The following FHOD3 variants were observed in gnomAD, a reference collection of about 807,000 sequenced individuals.
FHOD3 encodes FH1/FH2 domain-containing protein 3.
FHOD3 carries 90 observed loss-of-function variants against 173.0 expected under a neutral mutation model. The ratio of observed to expected loss-of-function variants is 0.52; its 90% CI spans 0.44 to 0.62. The LOEUF (loss-of-function observed/expected upper bound fraction) is 0.62, where lower values mean the gene tolerates loss of function less well. FHOD3 is among the 20% of genes least tolerant of loss of function. The probability of loss-of-function intolerance (pLI) is 0.00; values close to 1 mark genes in which losing one functional copy is unlikely to be tolerated. For missense variants in FHOD3, 1,945 were observed against 2,034.7 expected (o/e 0.96, Z 0.85); for synonymous variants, 828 against 823.0 (o/e 1.01, Z -0.10).
chr18:36,501,509 G>A (rs1044943671), intron 3 of FHOD3, among the ~76,000 whole-genome samples: 8 of 152,224 alleles, frequency 5.3e-5, no homozygotes, highest in African/African-American at 1.4e-4. Context: ...TTCTGGCTGC[G>A]TGGGTTTTTC....
At chr18:36,736,134 GGTGA>G (rs2041618858) in intron 20 of FHOD3, among the ~76,000 whole-genome samples, 1 of 152,216 alleles carries the variant, frequency 6.6e-6, no homozygotes, top group African/African-American at 2.4e-5. Context: ...GGAGCACACA[GGTGA>G]GTGAGTGCAG....
intron 5 of FHOD3, among the ~76,000 whole-genome samples, chr18:36,550,903 C>T (rs186747626): frequency 5.9e-4 from 90 of 152,240 alleles, no homozygotes; most frequent in African/African-American, 1.9e-3. Context: ...ATCTCAACTG[C>T]TCTTTCTTTC....
intron 10 of FHOD3, among the ~76,000 whole-genome samples, chr18:36,631,806 A>G (rs1251311045): frequency 3.3e-5 from 5 of 152,220 alleles, no homozygotes; most frequent in Non-Finnish European, 5.9e-5. Context: ...TGTGGAAATA[A>G]ATACATGCTG....
chr18:36,380,102 C>A (rs886523099), intron 3 of FHOD3, among the ~76,000 whole-genome samples: 2 of 151,986 alleles, frequency 1.3e-5, no homozygotes, highest in Non-Finnish European at 2.9e-5. Flanking sequence ...CATAATTCAG[C>A]GAAACTGCTA....
chr18:36,659,437 AAGTTACCTGT>A (rs2036632270), intron 14 of FHOD3, among the ~76,000 whole-genome samples: 1 of 152,192 alleles, frequency 6.6e-6, no homozygotes, highest in Non-Finnish European at 1.5e-5. Flanking sequence ...GGATTAGCTG[AAGTTACCTGT>A]AGTCCTGAAA....
At chr18:36,319,106 G>A (rs965880757) in intron 1 of FHOD3, among the ~76,000 whole-genome samples, 17 of 152,074 alleles carry the variant, frequency 1.1e-4, no homozygotes, top group Non-Finnish European at 2.4e-4. Context: ...TTTTTGATTT[G>A]CTGCTGGATT....
At chr18:36,403,644 A>G (rs913605261) in intron 3 of FHOD3, among the ~76,000 whole-genome samples, 6 of 152,380 alleles carry the variant, frequency 3.9e-5, no homozygotes, top group South Asian at 4.1e-4. Context: ...ACATAAAATC[A>G]TAAGAAAAGG....
Position 36,552,544 on chromosome 18 carries a change from G to T in FHOD3, c.512-23907G>T, listed in dbSNP as rs1188846105. Among the ~76,000 whole-genome samples, 5 of 150,498 alleles carry T rather than the reference G, an allele frequency of 3.3e-5. No individual in the cohort carries two copies. In the South Asian group the frequency reaches 8.4e-4, roughly 25 times the overall value. The stretch of plus-strand genomic sequence containing the variant: ...GACAGAATCTTGCTCTGTTGCCCAG[G>T]CTGGAGTGCAGTGGCGCGATCTCGG... On this transcript the variant is annotated intron_variant, in intron 5 of 28. Coordinates refer to ENST00000590592, the MANE Select transcript of FHOD3 (RefSeq NM_001281740.3).
chr18:36,619,074 T>A (rs1277389556), intron 9 of FHOD3, among the ~76,000 whole-genome samples: 1 of 152,216 alleles, frequency 6.6e-6, no homozygotes, highest in Admixed American at 6.5e-5. Flanking sequence ...TGCTTGCCTC[T>A]CTACCTTCCT....
chr18:36,458,709 C>A (rs1298632709), intron 3 of FHOD3, among the ~76,000 whole-genome samples: 1 of 139,138 alleles, frequency 7.2e-6, no homozygotes, highest in Non-Finnish European at 1.5e-5. Context: ...AAACTTTCCT[C>A]CAGTGAAATC....
intron 17 of FHOD3, among the ~76,000 whole-genome samples, chr18:36,694,651 T>A (rs1049563330): frequency 2.6e-5 from 4 of 152,148 alleles, no homozygotes; most frequent in Admixed American, 6.5e-5. Flanking sequence ...TCCTGCAGAG[T>A]TGTGGTTCAG....
At chr18:36,668,913 G>T (rs1361534859) in intron 14 of FHOD3, among the ~76,000 whole-genome samples, 3 of 151,934 alleles carry the variant, frequency 2.0e-5, no homozygotes, top group African/African-American at 7.2e-5. Flanking sequence ...AGGATCAACT[G>T]TGGCAAATAT....
chr18:36,699,292 TA>T (rs536421555), intron 17 of FHOD3, among the ~76,000 whole-genome samples: 1 of 152,326 alleles, frequency 6.6e-6, no homozygotes, highest in East Asian at 1.9e-4. Flanking sequence ...TGTTCTTATT[TA>T]ACAAAAAAGA....
At chr18:36,338,638 G>A (rs1196634125) in intron 1 of FHOD3, among the ~76,000 whole-genome samples, 1 of 152,174 alleles carries the variant, frequency 6.6e-6, no homozygotes, top group African/African-American at 2.4e-5. Context: ...TCTGGGGGAT[G>A]CTATGGAATG....
intron 1 of FHOD3, among the ~76,000 whole-genome samples, chr18:36,315,510 T>TG (rs1227316503): frequency 6.6e-6 from 1 of 151,510 alleles, no homozygotes; most frequent in African/African-American, 2.4e-5. Context: ...TGGATGAAAC[T>TG]GGGGGGCTCC....
intron 25 of FHOD3, among the ~76,000 whole-genome samples, chr18:36,756,083 G>A (rs990687381): frequency 3.3e-5 from 5 of 152,160 alleles, no homozygotes; most frequent in East Asian, 1.9e-4. Flanking sequence ...AGAGACCAAC[G>A]GAGGTACATA....
rs140323310 is a variant in FHOD3 at position 36,717,842 on chromosome 18, C to T, written c.2544C>T (p.Pro848=). Residue 848 remains proline (P), a synonymous_variant, in exon 19 of 29, where the codon CCC becomes CCT. Coordinates refer to ENST00000590592, the MANE Select transcript of FHOD3 (RefSeq NM_001281740.3). ...CCCATGTACTTTCAGGTTTGTGGCC[C>T]GCAGGTGTCCAGGATGCAGGTGTAA... The part of the protein sequence containing the change: ...LSRDRTTGLW[P]AGVQDAGVNG... 96 of 1,572,560 alleles carry T rather than the reference C, an allele frequency of 6.1e-5. No individual in the cohort carries two copies. Among genetic ancestry groups the T allele is most frequent in the Non-Finnish European group, 7.4e-5 (86 of 1,157,922 alleles).
chr18:36,345,858 A>G (rs1441862564), intron 1 of FHOD3, among the ~76,000 whole-genome samples: 1 of 152,236 alleles, frequency 6.6e-6, no homozygotes, highest in South Asian at 2.1e-4. Context: ...CTCCTAAATC[A>G]TTAGAGAAAA....
intron 15 of FHOD3, among the ~76,000 whole-genome samples, chr18:36,685,754 C>A (rs1372428436): frequency 6.6e-6 from 1 of 152,054 alleles, no homozygotes; most frequent in Non-Finnish European, 1.5e-5. Flanking sequence ...GTGTTGAAAA[C>A]CATGATGTTA....
Sources: gnomAD v4.1 joint callset for allele counts (sites outside exome capture counted in the v4.1 genomes callset) on GRCh38, gnomAD v4.1.1 for gene constraint, MANE v1.5 for transcripts, NCBI Gene and HGNC (gene_info 2026-07-23, HGNC 2026-07-21) for gene names.